SNX29: variants seen among roughly 807,000 people sequenced by gnomAD.
SNX29 encodes the protein sorting nexin 29.
A neutral mutation model predicts 102.1 loss-of-function variants in SNX29; 78 were observed. The observed-to-expected ratio is 0.76, with a 90% CI of 0.64 to 0.92. The LOEUF (loss-of-function observed/expected upper bound fraction) is 0.92. Among genes scored for constraint, SNX29 ranks in the 40% least tolerant of loss-of-function variants. The pLI is 0.00. For synonymous variants in SNX29, 580 were observed against 414.5 expected (o/e 1.40, Z -4.85); for missense variants, 1,280 against 1,061.7 (o/e 1.21, Z -2.86).
chr16:12,471,284 T>G (rs955701220), intron 18 of SNX29, among the ~76,000 whole-genome samples: 1 of 152,194 alleles, frequency 6.6e-6, no homozygotes. Context: ...GAGATAAATT[T>G]TACCCTGGAA....
At chr16:12,546,891 A>G (rs2077639959) in intron 20 of SNX29, among the ~76,000 whole-genome samples, 1 of 152,242 alleles carries the variant, frequency 6.6e-6, no homozygotes. Context: ...TTCCAGGGCT[A>G]GGAGTGCAGC....
chr16:12,530,456 A>G (rs1272183489), intron 20 of SNX29, among the ~76,000 whole-genome samples: 1 of 152,118 alleles, frequency 6.6e-6, no homozygotes, highest in African/African-American at 2.4e-5. Flanking sequence ...CCTTGCACTC[A>G]CTGTCAAGTC....
At chr16:12,527,128 T>A (rs925551474) in intron 20 of SNX29, 1 of 496,636 alleles carries the variant, frequency 2.0e-6, no homozygotes, top group African/African-American at 1.9e-5. Flanking sequence ...TCCTCACTGT[T>A]CCAAATCCCA....
In SNX29 at chr16:11,976,824, G is replaced by A. The variant is rs938033238; in HGVS notation, c.7+11G>A. 6.5e-5 allele frequency: 89 copies of A among 1,373,284 alleles called. No individual in the cohort carries two copies. Among genetic ancestry groups the A allele is most frequent in the Non-Finnish European group, 7.9e-5 (84 of 1,062,912 alleles). The allele number at this position is 1,373,284 out of a possible 1,614,324, so 85.1% of individuals were successfully genotyped here. A position where few individuals can be genotyped will look rare whatever the true frequency, so the allele number is the denominator to read the frequency against. On this transcript the variant is annotated intron_variant, in intron 1 of 20. Transcript: ENST00000566228. ...GAGGCACCATGAGCGGTGAGTGGCG[G>A]CCCCGCCGCTGTCACCTGCCCCGGC...
intron 15 of SNX29, among the ~76,000 whole-genome samples, chr16:12,339,272 G>A (rs2081543950): frequency 6.7e-6 from 1 of 150,344 alleles, no homozygotes; most frequent in Non-Finnish European, 1.5e-5. Flanking sequence ...TTGTGTGGCT[G>A]AGGCAGAAGA....
chr16:12,392,687 G>C (rs1386504889), intron 16 of SNX29, among the ~76,000 whole-genome samples: 1 of 152,146 alleles, frequency 6.6e-6, no homozygotes, highest in African/African-American at 2.4e-5. Context: ...ATTCTTTAAA[G>C]CTCTTATTTG....
intron 8 of SNX29, chr16:12,052,499 G>A: frequency 2.6e-6 from 1 of 380,814 alleles, no homozygotes; most frequent in Non-Finnish European, 5.0e-6. Flanking sequence ...TTACAGGCAT[G>A]AGCCACCACG....
chr16:12,563,978 G>A (rs1256539476), intron 20 of SNX29, among the ~76,000 whole-genome samples: 1 of 142,500 alleles, frequency 7.0e-6, no homozygotes, highest in African/African-American at 2.8e-5. Flanking sequence ...TTCAGATAAG[G>A]TTCCCTCTGC....
intron 14 of SNX29, among the ~76,000 whole-genome samples, chr16:12,216,482 G>A (rs1278378797): frequency 2.0e-5 from 3 of 152,202 alleles, no homozygotes; most frequent in African/African-American, 4.8e-5. Flanking sequence ...CCAGCCACAC[G>A]TGTGTCCGAG....
chr16:12,539,574 A>G (rs1233045271), intron 20 of SNX29, among the ~76,000 whole-genome samples: 7 of 152,192 alleles, frequency 4.6e-5, no homozygotes, highest in Non-Finnish European at 4.4e-5. Context: ...TGTGTGAACA[A>G]AAGTTTTCAT....
chr16:12,370,485 G>C (rs953478493), intron 16 of SNX29, among the ~76,000 whole-genome samples: 1 of 152,186 alleles, frequency 6.6e-6, no homozygotes, highest in Non-Finnish European at 1.5e-5. Flanking sequence ...GCTTGAACCT[G>C]GGAGGTGGAG....
intron 15 of SNX29, among the ~76,000 whole-genome samples, chr16:12,310,467 T>G (rs879874924): frequency 2.0e-4 from 30 of 152,014 alleles, no homozygotes; most frequent in Non-Finnish European, 4.4e-5. Flanking sequence ...GAATGAACCA[T>G]TGGCACGCGT....
At chr16:12,344,753 C>T (rs1415094009) in intron 15 of SNX29, among the ~76,000 whole-genome samples, 1 of 152,236 alleles carries the variant, frequency 6.6e-6, no homozygotes, top group Non-Finnish European at 1.5e-5. Flanking sequence ...GCCTGCCCAG[C>T]AGGCTGGAGA....
chr16:12,231,620 C>T (rs994318209), intron 14 of SNX29, among the ~76,000 whole-genome samples: 5 of 152,076 alleles, frequency 3.3e-5, no homozygotes, highest in Non-Finnish European at 7.4e-5. Context: ...TACAGAATTT[C>T]CCCATGTTTC....
chr16:12,444,151 A>G (rs2085939021), intron 18 of SNX29, among the ~76,000 whole-genome samples: 1 of 152,114 alleles, frequency 6.6e-6, no homozygotes, highest in Admixed American at 6.5e-5. Flanking sequence ...GTAAGCACTC[A>G]GTATAGCACC....
At position 12,571,795 on chromosome 16, in the gene SNX29, A is replaced by T. The variant is rs1050473479; in HGVS notation, c.*3166A>T. On this transcript the variant is annotated 3_prime_UTR_variant, in exon 21 of 21. Coordinates refer to ENST00000566228, the MANE Select transcript of SNX29 (RefSeq NM_032167.5). The stretch of plus-strand genomic sequence containing the variant: ...GAACCTTCTCCGCCACTCTTCCTGC[A>T]ATCAGTGTGAAATTCCAGCTTCTTT... The T allele has an allele frequency of 2.0e-6, 2 of 1,012,644 alleles. No individual in the cohort carries two copies. The highest frequency in any genetic ancestry group is 1.2e-6 in the Non-Finnish European group (1 of 832,490). The allele number at this position is 1,012,644 out of a possible 1,614,324, so 62.7% of individuals were successfully genotyped here.
intron 14 of SNX29, among the ~76,000 whole-genome samples, chr16:12,274,356 C>G (rs2079180934): frequency 6.6e-6 from 1 of 152,178 alleles, no homozygotes; most frequent in Non-Finnish European, 1.5e-5. Context: ...CCCCTGTGTT[C>G]TCAAGTCTGT....
intron 19 of SNX29, among the ~76,000 whole-genome samples, chr16:12,523,651 TG>T (rs960797865): frequency 2.8e-4 from 42 of 152,262 alleles, no homozygotes; most frequent in African/African-American, 9.9e-4. Context: ...GGACCCTCTG[TG>T]ACAGCTTGGG....
intron 11 of SNX29, among the ~76,000 whole-genome samples, chr16:12,106,729 C>A (rs1485237846): frequency 3.3e-5 from 5 of 151,632 alleles, no homozygotes; most frequent in African/African-American, 1.2e-4. Context: ...GATTCTCCTG[C>A]CTTGGCCTCT....
Sources: gnomAD v4.1 joint callset for allele counts (sites outside exome capture counted in the v4.1 genomes callset) on GRCh38, gnomAD v4.1.1 for gene constraint, MANE v1.5 for transcripts, NCBI Gene and HGNC (gene_info 2026-07-23, HGNC 2026-07-21) for gene names.